The following HELQ variants were observed in gnomAD, a reference collection of about 807,000 sequenced individuals.
HELQ encodes the protein helicase POLQ-like.
A neutral mutation model predicts 111.6 loss-of-function variants in HELQ; 77 were observed. That is an observed-to-expected ratio of 0.69 (90% CI 0.57 to 0.83). The LOEUF (loss-of-function observed/expected upper bound fraction) is 0.83, where lower values mean the gene tolerates loss of function less well. HELQ is among the 40% of genes least tolerant of loss of function. HELQ has a pLI of 0.00. For synonymous variants in HELQ, 438 were observed against 454.7 expected (o/e 0.96, Z 0.47); for missense variants, 1,200 against 1,288.5 (o/e 0.93, Z 1.05).
chr4:83,455,697 A>C lies in HELQ; in HGVS notation c.-4T>G. 6.2e-7 allele frequency: 1 copy of C among 1,603,034 alleles called. No homozygotes were observed. Among genetic ancestry groups the C allele is most frequent in the Admixed American group, 1.7e-5 (1 of 59,970 alleles). On this transcript the variant is annotated 5_prime_UTR_variant, in exon 1 of 18. Coordinates refer to ENST00000295488, the MANE Select transcript of HELQ (RefSeq NM_133636.5). ...TGCGGGAACCACATTCATCCATGGC[A>C]AGGACCCAGGGCCCTATTCAGACGT...
intron 17 of HELQ, 91 bp downstream of exon 17, chr4:83,416,640 C>A: frequency 8.3e-7 from 1 of 1,208,644 alleles, no homozygotes; most frequent in Non-Finnish European, 1.2e-6. Flanking sequence ...AACAGTTATG[C>A]AATGTGAAAT....
At chr4:83,449,029 GA>G (rs1345391458) in intron 2 of HELQ, 68 bp from the exon 3 acceptor site, 4 of 1,181,008 alleles carry the variant, frequency 3.4e-6, no homozygotes, top group Non-Finnish European at 4.7e-6. Context: ...AGTTTTCTAA[GA>G]AAAAAAATCA....
At chr4:83,438,570 A>G (rs1171422268) in intron 8 of HELQ, among the ~76,000 whole-genome samples, 1 of 151,882 alleles carries the variant, frequency 6.6e-6, no homozygotes, top group African/African-American at 2.4e-5. Flanking sequence ...GTGAAATACT[A>G]TCTCCATGAA....
rs989653819 is a variant in HELQ at position 83,416,317 on chromosome 4, C to T, written c.3198+414G>A. Among the ~76,000 whole-genome samples the T allele has an allele frequency of 2.0e-5, 3 of 151,804 alleles. No homozygotes were observed. In the East Asian group the frequency reaches 5.8e-4, roughly 29 times the overall value. ...CTCAGTGCAGCCTTGAACTCCTGGGCTCAAGCGATCCTCTTGCCTCAGTCT... is the reference window on the plus strand; with the variant it reads ...CTCAGTGCAGCCTTGAACTCCTGGGTTCAAGCGATCCTCTTGCCTCAGTCT... On this transcript the variant is annotated intron_variant, in intron 17 of 17. Coordinates refer to ENST00000295488, the MANE Select transcript of HELQ (RefSeq NM_133636.5).
chr4:83,436,915 A>G lies in HELQ; in HGVS notation c.1991T>C (p.Leu664Pro). 1 of 1,614,184 alleles carries G rather than the reference A, an allele frequency of 6.2e-7. No homozygotes were observed. The highest frequency in any genetic ancestry group is 8.5e-7 in the Non-Finnish European group (1 of 1,179,992). Reference protein sequence around the residue: ...LLEEAYSTGVLCLFTCTSTLA... With the variant: ...LLEEAYSTGVPCLFTCTSTLA... ...GGTAGATGTGCAGGTAAAAAGACAG[A>G]GCACTCCTGTGGAGTAGGCCTCCTC... is the stretch of plus-strand genomic sequence containing the variant. Residue 664 changes from leucine to proline, a missense_variant, in exon 9 of 18, where the codon CTC becomes CCC. By Grantham distance (98) the Leu-to-Pro change is moderately conservative (BLOSUM62 -3). Coordinates refer to ENST00000295488, the MANE Select transcript of HELQ (RefSeq NM_133636.5).
intron 8 of HELQ, among the ~76,000 whole-genome samples, chr4:83,437,394 C>T (rs1243068061): frequency 6.6e-6 from 1 of 151,996 alleles, no homozygotes; most frequent in Non-Finnish European, 1.5e-5. Context: ...AGAAGGATTG[C>T]TTGAGCCCAA....
intron 5 of HELQ, among the ~76,000 whole-genome samples, chr4:83,445,148 C>T (rs1341538082): frequency 1.3e-5 from 2 of 152,176 alleles, no homozygotes; most frequent in East Asian, 3.9e-4. Context: ...AGAATTCAGG[C>T]TGAAGAACGG....
intron 2 of HELQ, among the ~76,000 whole-genome samples, chr4:83,450,285 G>A (rs1721286768): frequency 8.3e-6 from 1 of 120,302 alleles, no homozygotes; most frequent in African/African-American, 2.9e-5. Context: ...GGTGGATCAT[G>A]TCTGTAATCC....
intron 17 of HELQ, among the ~76,000 whole-genome samples, chr4:83,411,337 CATGGTG>C (rs1378248086): frequency 6.6e-6 from 1 of 151,136 alleles, no homozygotes; most frequent in Non-Finnish European, 1.5e-5. Flanking sequence ...CTCCCCCAGG[CATGGTG>C]GCTCACTCGT....
intron 8 of HELQ, among the ~76,000 whole-genome samples, chr4:83,439,312 A>C (rs947569467): frequency 1.4e-5 from 2 of 147,976 alleles, no homozygotes; most frequent in African/African-American, 5.0e-5. Context: ...TGATCCGCAC[A>C]CCTTGGCTTC....
At chr4:83,415,922 T>C (rs7695617) in intron 17 of HELQ, among the ~76,000 whole-genome samples, 40,792 of 144,616 alleles carry the variant, frequency 0.28, 11,706 homozygotes, top group African/African-American at 0.74. Flanking sequence ...GCTGGGATTA[T>C]AGGTGTGAGC....
chr4:83,425,259 G>A (rs1719784642), intron 14 of HELQ, among the ~76,000 whole-genome samples: 2 of 140,104 alleles, frequency 1.4e-5, no homozygotes, highest in South Asian at 2.2e-4. Context: ...CAGCCTGGGC[G>A]ACAGAGTGAG....
chr4:83,418,863 T>C (rs926522571), intron 15 of HELQ, among the ~76,000 whole-genome samples: 9 of 152,162 alleles, frequency 5.9e-5, no homozygotes. Context: ...GAAGAAAACC[T>C]TGAACAGAAC....
At chr4:83,414,554 C>T (rs755293718) in intron 17 of HELQ, among the ~76,000 whole-genome samples, 2 of 152,180 alleles carry the variant, frequency 1.3e-5, no homozygotes, top group Non-Finnish European at 2.9e-5. Context: ...AAAAGCCACA[C>T]AAACCAGTTT....
chr4:83,411,604 AAAATAAAT>A (rs147373472), intron 17 of HELQ, among the ~76,000 whole-genome samples: 2 of 150,100 alleles, frequency 1.3e-5, no homozygotes, highest in African/African-American at 2.5e-5. Context: ...ACCCTGTCTC[AAAATAAAT>A]AAATAAATAA....
At chr4:83,444,512 G>C (rs1251748404) in intron 5 of HELQ, among the ~76,000 whole-genome samples, 1 of 152,080 alleles carries the variant, frequency 6.6e-6, no homozygotes, top group African/African-American at 2.4e-5. Flanking sequence ...CTCCCGAGTA[G>C]TTGGGACTAT....
At chr4:83,452,712 T>G (rs978894023) in intron 2 of HELQ, among the ~76,000 whole-genome samples, 1 of 151,898 alleles carries the variant, frequency 6.6e-6, no homozygotes, top group African/African-American at 2.4e-5. Flanking sequence ...TCAAGAAGGG[T>G]GTAGTCAATA....
At chr4:83,450,297 A>G (rs1721287366) in intron 2 of HELQ, among the ~76,000 whole-genome samples, 1 of 144,410 alleles carries the variant, frequency 6.9e-6, no homozygotes, top group African/African-American at 2.5e-5. Context: ...CTGTAATCCC[A>G]GCACTTTGGG....
chr4:83,425,027 C>T (rs1195650671), intron 14 of HELQ, among the ~76,000 whole-genome samples: 2 of 151,912 alleles, frequency 1.3e-5, no homozygotes, highest in Non-Finnish European at 2.9e-5. Flanking sequence ...CACCTGTAAT[C>T]CCAATGCTTT....
Sources: allele counts gnomAD v4.1 joint callset (sites outside exome capture counted in the v4.1 genomes callset), GRCh38; gene constraint gnomAD v4.1.1; transcripts MANE v1.5; gene names NCBI Gene and HGNC (gene_info 2026-07-23, HGNC 2026-07-21).